DIAPH2: variants seen among roughly 807,000 people sequenced by gnomAD.
DIAPH2 encodes the protein protein diaphanous homolog 2.
DIAPH2 carries 35 observed loss-of-function variants against 92.7 expected under a neutral mutation model. The ratio of observed to expected loss-of-function variants is 0.38; its 90% CI spans 0.29 to 0.50. DIAPH2 has a LOEUF of 0.50. Ranked by LOEUF, DIAPH2 falls within the 20% of genes least tolerant of loss-of-function variation. DIAPH2 has a pLI of 0.94. For missense variants in DIAPH2, 701 were observed against 819.5 expected (o/e 0.86, Z 1.77); for synonymous variants, 301 against 280.4 (o/e 1.07, Z -0.73).
At chrX:97,221,578 T>A (rs1166402632) in intron 22 of DIAPH2, among the ~76,000 whole-genome samples, 1 of 111,987 alleles carries the variant, frequency 8.9e-6, no homozygotes, top group Non-Finnish European at 1.9e-5. Flanking sequence ...ATGTTGCGGT[T>A]TGTCTCTGTA....
At chrX:97,184,142 C>A (rs745785868) in intron 22 of DIAPH2, among the ~76,000 whole-genome samples, 77 of 112,133 alleles carry the variant, frequency 6.9e-4, no homozygotes, top group African/African-American at 2.4e-3. Flanking sequence ...TAATTGTCTG[C>A]CACCAGGGCC....
At chrX:97,466,581 T>C (rs1247267996) in intron 26 of DIAPH2, among the ~76,000 whole-genome samples, 2 of 111,932 alleles carry the variant, frequency 1.8e-5, no homozygotes, top group Non-Finnish European at 3.8e-5. Flanking sequence ...TGGATTGAAA[T>C]GCTTAGGACA....
intron 14 of DIAPH2, among the ~76,000 whole-genome samples, chrX:96,945,994 C>G (rs1214846597): frequency 8.9e-6 from 1 of 111,791 alleles, no homozygotes; most frequent in Non-Finnish European, 1.9e-5. Context: ...TCTTTTATGT[C>G]AGTGCTATTG....
chrX:97,301,150 CAAAAAAAAA>C (rs1220185711), intron 23 of DIAPH2, among the ~76,000 whole-genome samples: 4 of 32,282 alleles, frequency 1.2e-4, no homozygotes, highest in Non-Finnish European at 1.8e-4. Context: ...GACTCCGTCT[CAAAAAAAAA>C]AAAAAAAAAA....
intron 26 of DIAPH2, among the ~76,000 whole-genome samples, chrX:97,497,821 G>A (rs982540337): frequency 3.3e-4 from 36 of 110,673 alleles, no homozygotes; most frequent in African/African-American, 1.2e-3. Flanking sequence ...AAGAAATTGC[G>A]GGCCAAAGTG....
At chrX:97,005,968 G>A (rs187816186) in intron 17 of DIAPH2, among the ~76,000 whole-genome samples, 1 of 86,831 alleles carries the variant, frequency 1.2e-5, no homozygotes, top group East Asian at 3.5e-4. Flanking sequence ...TTGTAGTACT[G>A]CTTTTGTTGT....
intron 23 of DIAPH2, among the ~76,000 whole-genome samples, chrX:97,277,995 G>A (rs758844026): frequency 1.8e-5 from 2 of 111,350 alleles, no homozygotes; most frequent in East Asian, 5.7e-4. Context: ...ACAGGCACGC[G>A]CCACCACGCC....
chrX:97,125,014 G>A (rs188211241), intron 21 of DIAPH2, among the ~76,000 whole-genome samples: 2 of 111,606 alleles, frequency 1.8e-5, no homozygotes, highest in Admixed American at 1.9e-4. Context: ...TTGAGTAAGA[G>A]AGACAGGGAG....
intron 26 of DIAPH2, among the ~76,000 whole-genome samples, chrX:97,464,431 C>G (rs1049329599): frequency 1.8e-5 from 2 of 109,793 alleles, no homozygotes; most frequent in African/African-American, 6.7e-5. Flanking sequence ...GAGCCCAGAT[C>G]GCGCCATTGG....
At chrX:97,254,707 AT>A (rs2068221585) in intron 23 of DIAPH2, among the ~76,000 whole-genome samples, 1 of 107,621 alleles carries the variant, frequency 9.3e-6, no homozygotes, top group African/African-American at 3.4e-5. Flanking sequence ...TATTTATTTT[AT>A]TTTATTTTAT....
At chrX:97,535,783 A>G (rs1359288617) in intron 26 of DIAPH2, among the ~76,000 whole-genome samples, 1 of 112,559 alleles carries the variant, frequency 8.9e-6, no homozygotes, top group Non-Finnish European at 1.9e-5. Context: ...TAAAGAATAG[A>G]TCATGCCCAA....
At chrX:97,492,116 G>T (rs980500036) in intron 26 of DIAPH2, among the ~76,000 whole-genome samples, 18 of 111,752 alleles carry the variant, frequency 1.6e-4, no homozygotes, top group African/African-American at 5.2e-4. Context: ...TTTAATAGTA[G>T]AGTTTAAAGT....
chrX:97,499,466 T>A (rs998321837), intron 26 of DIAPH2, among the ~76,000 whole-genome samples: 1 of 111,913 alleles, frequency 8.9e-6, no homozygotes, highest in Middle Eastern at 4.2e-3. Context: ...TGCATAGGTA[T>A]ATTGAATGGT....
At chrX:97,107,781 A>G (rs777624407) in intron 20 of DIAPH2, among the ~76,000 whole-genome samples, 8 of 112,132 alleles carry the variant, frequency 7.1e-5, no homozygotes, top group African/African-American at 9.7e-5. Context: ...GCAAATATAT[A>G]TTTGTTACAA....
intron 23 of DIAPH2, among the ~76,000 whole-genome samples, chrX:97,322,648 T>C (rs957718517): frequency 2.7e-5 from 3 of 110,875 alleles, no homozygotes; most frequent in African/African-American, 9.8e-5. Flanking sequence ...TCTGGGAGTC[T>C]ATCTGAATCT....
intron 22 of DIAPH2, among the ~76,000 whole-genome samples, chrX:97,229,336 T>C (rs935833068): frequency 9.0e-6 from 1 of 111,085 alleles, no homozygotes; most frequent in African/African-American, 3.3e-5. Context: ...ATTTTTTTTT[T>C]CTGGAAGCAT....
chrX:97,515,807 T>C (rs1436218716), intron 26 of DIAPH2, among the ~76,000 whole-genome samples: 1 of 110,838 alleles, frequency 9.0e-6, no homozygotes, highest in Non-Finnish European at 1.9e-5. Context: ...GTGACCTTGC[T>C]TCTGCTATTT....
chrX:97,376,950 A>G (rs1325813036), intron 24 of DIAPH2, among the ~76,000 whole-genome samples: 7 of 112,199 alleles, frequency 6.2e-5, no homozygotes, highest in African/African-American at 2.3e-4. Flanking sequence ...CAATAAAAAT[A>G]CTATATTAAA....
At chrX:97,119,268 C>A (rs1315884819) in intron 21 of DIAPH2, among the ~76,000 whole-genome samples, 1 of 111,320 alleles carries the variant, frequency 9.0e-6, no homozygotes, top group Non-Finnish European at 1.9e-5. Context: ...TAGTACTCTC[C>A]TCCTTTTCCT....
Sources: allele counts gnomAD v4.1 joint callset (sites outside exome capture counted in the v4.1 genomes callset), GRCh38; gene constraint gnomAD v4.1.1; transcripts MANE v1.5; gene names NCBI Gene and HGNC (gene_info 2026-07-23, HGNC 2026-07-21).